The following PIK3C2G variants were observed in gnomAD, a reference collection of about 807,000 sequenced individuals.
PIK3C2G encodes the protein phosphatidylinositol-4-phosphate 3-kinase catalytic subunit type 2 gamma, also known as phosphatidylinositol 3-kinase C2 domain-containing subunit gamma.
Under a neutral mutation model 181.1 loss-of-function variants are expected in PIK3C2G, and 168 were observed. The ratio of observed to expected loss-of-function variants is 0.93; its 90% CI spans 0.82 to 1.05. The LOEUF (loss-of-function observed/expected upper bound fraction) is 1.05, where lower values mean the gene tolerates loss of function less well. Ranked by LOEUF, PIK3C2G falls within the 50% of genes least tolerant of loss-of-function variation. The probability of loss-of-function intolerance (pLI) is 0.00; values close to 1 mark genes in which losing one functional copy is unlikely to be tolerated. For missense variants in PIK3C2G, 1,869 were observed against 1,732.8 expected (o/e 1.08, Z -1.40); for synonymous variants, 573 against 592.2 (o/e 0.97, Z 0.47).
At chr12:18,302,515 G>T (rs761306465) in intron 5 of PIK3C2G, among the ~76,000 whole-genome samples, 7 of 152,172 alleles carry the variant, frequency 4.6e-5, no homozygotes, top group Non-Finnish European at 8.8e-5. Context: ...CTCTGGATAA[G>T]GTGCTTGGGC....
intron 18 of PIK3C2G, among the ~76,000 whole-genome samples, chr12:18,482,250 T>C (rs1177978674): frequency 1.3e-5 from 2 of 149,986 alleles, no homozygotes. Context: ...ACTCTTCTTC[T>C]CTTTCTTTTT....
intron 31 of PIK3C2G, among the ~76,000 whole-genome samples, chr12:18,624,720 A>G (rs1003521069): frequency 6.6e-6 from 1 of 151,432 alleles, no homozygotes; most frequent in Non-Finnish European, 1.5e-5. Context: ...CTCTTCTCTC[A>G]TTAATGAACT....
At chr12:18,553,258 T>C (rs1485174951) in intron 26 of PIK3C2G, among the ~76,000 whole-genome samples, 3 of 151,940 alleles carry the variant, frequency 2.0e-5, no homozygotes, top group Admixed American at 6.6e-5. Context: ...TTAAGATTTA[T>C]TTTTTTTGCT....
chr12:18,593,337 C>T (rs191462239), intron 29 of PIK3C2G, among the ~76,000 whole-genome samples: 39 of 151,754 alleles, frequency 2.6e-4, no homozygotes, highest in African/African-American at 7.0e-4. Context: ...CCATTGTAAG[C>T]GGATGGAAAG....
In PIK3C2G at chr12:18,448,186, CCT is replaced by C. The variant is rs1329733183; in HGVS notation, c.2504+24154_2504+24155del. On this transcript the variant is annotated intron_variant, in intron 18 of 32. Coordinates refer to ENST00000538779, the MANE Select transcript of PIK3C2G (RefSeq NM_001288772.2). ...ATAAAATTATTTTTGAATAGTATTT[CCT>C]CTCTCTTACTCTTTTTAATTTGATT... Among the ~76,000 whole-genome samples the C allele has an allele frequency of 5.9e-5, 9 of 151,852 alleles. No homozygotes were observed. The South Asian group carries it at 8.3e-4, about 14-fold the overall frequency.
chr12:18,579,555 C>G (rs1018547873), intron 29 of PIK3C2G, among the ~76,000 whole-genome samples: 4 of 152,074 alleles, frequency 2.6e-5, no homozygotes, highest in African/African-American at 9.7e-5. Context: ...GTCTGTCTCT[C>G]TCTCTCTCTC....
At chr12:18,286,759 A>C in intron 2 of PIK3C2G, 88 bp from the exon 3 acceptor site, 1 of 746,192 alleles carries the variant, frequency 1.3e-6, no homozygotes, top group East Asian at 2.9e-5. Flanking sequence ...TGAAGTCTGA[A>C]TGAAACTTCA....
At chr12:18,533,856 A>G (rs540388255) in intron 24 of PIK3C2G, among the ~76,000 whole-genome samples, 2 of 151,944 alleles carry the variant, frequency 1.3e-5, no homozygotes, top group East Asian at 1.9e-4. Context: ...TCTAATGACT[A>G]TACAAGGAGA....
At chr12:18,623,689 C>A (rs553166578) in intron 31 of PIK3C2G, among the ~76,000 whole-genome samples, 1 of 151,574 alleles carries the variant, frequency 6.6e-6, no homozygotes. Flanking sequence ...TATCTTTCCA[C>A]GTATTTGTGT....
At position 18,391,221 on chromosome 12, in the gene PIK3C2G, G is replaced by T. The variant is rs774380325; in HGVS notation, c.2095G>T (p.Ala699Ser). 15 of 1,600,580 alleles carry T rather than the reference G, an allele frequency of 9.4e-6. No individual in the cohort carries two copies. In the East Asian group the frequency reaches 3.4e-4, roughly 36 times the overall value. ...ACTAAAGGAGTGTATAAAACATATT[G>T]CCAGACTTTCACAGAAACAGACTCC... Reference protein sequence around the residue: ...EPLKECIKHIARLSQKQTPLL... With the variant: ...EPLKECIKHISRLSQKQTPLL... Residue 699 changes from alanine (A) to serine (S), a missense_variant, in exon 15 of 33, where the codon GCC becomes TCC. Coordinates refer to ENST00000538779, the MANE Select transcript of PIK3C2G (RefSeq NM_001288772.2).
intron 18 of PIK3C2G, among the ~76,000 whole-genome samples, chr12:18,434,942 T>G (rs1253564633): frequency 6.6e-6 from 1 of 151,614 alleles, no homozygotes; most frequent in African/African-American, 2.4e-5. Flanking sequence ...CCAAAAATTT[T>G]ACAAATAATT....
chr12:18,533,297 C>T (rs1404473872), intron 24 of PIK3C2G, among the ~76,000 whole-genome samples: 1 of 152,116 alleles, frequency 6.6e-6, no homozygotes, highest in African/African-American at 2.4e-5. Flanking sequence ...AACTTAAGCT[C>T]AAAGCTCAGC....
At chr12:18,650,698 GTGTGTGTATATATCTATATATATATATA>G (rs1950436039), downstream of PIK3C2G, among the ~76,000 whole-genome samples, 8 of 29,104 alleles carry the variant, frequency 2.7e-4, 1 homozygote, top group African/African-American at 9.2e-4. Flanking sequence ...GTGTGTGTGT[GTGTGTGTATATATCTATATATATATATA>G]TATATATATA....
At chr12:18,375,427 C>T (rs1019374992) in intron 13 of PIK3C2G, among the ~76,000 whole-genome samples, 5 of 152,294 alleles carry the variant, frequency 3.3e-5, no homozygotes, top group Middle Eastern at 6.8e-3. Flanking sequence ...GCAAAGCATC[C>T]AAGAGGTGGC....
At chr12:18,461,036 A>AC (rs1181419570) in intron 18 of PIK3C2G, among the ~76,000 whole-genome samples, 4 of 152,146 alleles carry the variant, frequency 2.6e-5, no homozygotes, top group Admixed American at 2.6e-4. Context: ...CCTTTAGTGT[A>AC]CCTCAGTGGT....
chr12:18,535,737 T>A (rs1943816792), intron 24 of PIK3C2G, among the ~76,000 whole-genome samples: 1 of 152,150 alleles, frequency 6.6e-6, no homozygotes, highest in African/African-American at 2.4e-5. Context: ...CTGTTACATA[T>A]AAAATTAAGA....
chr12:18,524,121 G>T (rs1475154191), intron 24 of PIK3C2G, among the ~76,000 whole-genome samples: 1 of 152,082 alleles, frequency 6.6e-6, no homozygotes, highest in East Asian at 1.9e-4. Flanking sequence ...GGTACTCCTA[G>T]CATTTCCTTT....
chr12:18,340,297 AT>A (rs1238045077), intron 9 of PIK3C2G, among the ~76,000 whole-genome samples: 1 of 151,916 alleles, frequency 6.6e-6, no homozygotes, highest in Non-Finnish European at 1.5e-5. Flanking sequence ...AAAAAAAAAA[AT>A]CTCATAATGT....
the PIK3C2G span, among the ~76,000 whole-genome samples, chr12:18,711,514 C>T: frequency 7.3e-6 from 1 of 137,230 alleles, no homozygotes; most frequent in South Asian, 2.3e-4. Flanking sequence ...TGCACATGTA[C>T]CCTAAAACTT....
Sources: gnomAD v4.1 joint callset for allele counts (sites outside exome capture counted in the v4.1 genomes callset) on GRCh38, gnomAD v4.1.1 for gene constraint, MANE v1.5 for transcripts, NCBI Gene and HGNC (gene_info 2026-07-23, HGNC 2026-07-21) for gene names.